Variants in ATP6V0A1 observed in about 807,000 individuals in gnomAD.
ATP6V0A1 encodes V-type proton ATPase 116 kDa subunit a 1.
Under a neutral mutation model 105.4 loss-of-function variants are expected in ATP6V0A1, and 43 were observed. That is an observed-to-expected ratio of 0.41 (90% CI 0.32 to 0.53). ATP6V0A1 has a LOEUF of 0.53. Ranked by LOEUF, ATP6V0A1 falls within the 20% of genes least tolerant of loss-of-function variation. The pLI, the probability that ATP6V0A1 is intolerant of heterozygous loss-of-function variation, is 0.30. For missense variants in ATP6V0A1, 676 were observed against 1,051.1 expected, an observed-to-expected ratio of 0.64 and a Z score of 4.93; for synonymous variants, 362 against 372.8, an observed-to-expected ratio of 0.97 and a Z score of 0.33.
chr17:42,507,580 A>G lies in ATP6V0A1; in HGVS notation c.2065A>G (p.Ile689Val). 5.0e-6 allele frequency: 8 copies of G among 1,613,918 alleles called. No individual in the cohort carries two copies. Among genetic ancestry groups the G allele is most frequent in the Non-Finnish European group, 6.8e-6 (8 of 1,179,972 alleles). Residue 689 changes from isoleucine (I) to valine (V), a missense_variant, in exon 18 of 22, where the codon ATT becomes GTT. Ile to Val is a conservative substitution (Grantham distance 29, BLOSUM62 3). This residue lies in a region of ATP6V0A1 where 435 missense variants were observed against 642.2 expected (regional missense o/e 0.68). Transcript: ENST00000343619. The part of the protein sequence containing the change: ...GNGPTEEDAE[I>V]IQHDQLSTHS... The stretch of plus-strand genomic sequence containing the variant: ...CGGACCGACAGAGGAGGATGCTGAG[A>G]TTATTCAGCATGACCAGCTCTCCAC...
intron 11 of ATP6V0A1, among the ~76,000 whole-genome samples, chr17:42,491,321 T>C (rs1454763062): frequency 2.0e-5 from 3 of 152,052 alleles, no homozygotes; most frequent in Non-Finnish European, 4.4e-5. Context: ...TTATTTTTAA[T>C]TTTTTTTGAG....
intron 11 of ATP6V0A1, among the ~76,000 whole-genome samples, chr17:42,492,196 C>A (rs1463059103): frequency 6.7e-6 from 1 of 150,142 alleles, no homozygotes; most frequent in African/African-American, 2.5e-5. Flanking sequence ...TGGTGAAACC[C>A]TGCCTCTACT....
At chr17:42,483,468 C>T (rs939380483) in intron 9 of ATP6V0A1, among the ~76,000 whole-genome samples, 11 of 151,764 alleles carry the variant, frequency 7.2e-5, no homozygotes, top group African/African-American at 2.4e-4. Context: ...AATGCCATGG[C>T]GCTGTCTCAG....
At chr17:42,518,204 C>A (rs151085652) in intron 21 of ATP6V0A1, 1 of 152,388 alleles carries the variant, frequency 6.6e-6, no homozygotes, top group East Asian at 1.9e-4. Flanking sequence ...TTCCAAGGAA[C>A]CTGGTCTCTC....
rs760275735 is a variant in ATP6V0A1 at position 42,501,324 on chromosome 17, T to C, written c.2004+20T>C. On this transcript the variant is annotated intron_variant, in intron 17 of 21. Coordinates refer to ENST00000343619, the MANE Select transcript of ATP6V0A1 (RefSeq NM_001130021.3). ...CATTTGGTAGGTGTATTTCTATTGCTAAAAGTTACTAGACTTTTGTTTTGT... is the reference window on the plus strand; with the variant it reads ...CATTTGGTAGGTGTATTTCTATTGCCAAAAGTTACTAGACTTTTGTTTTGT... 6.3e-7 allele frequency: 1 copy of C among 1,576,002 alleles called. No homozygotes were observed. The highest frequency in any genetic ancestry group is 1.1e-5 in the South Asian group (1 of 89,836).
At chr17:42,461,874 T>G (rs1035732480) in intron 2 of ATP6V0A1, among the ~76,000 whole-genome samples, 6 of 152,052 alleles carry the variant, frequency 3.9e-5, no homozygotes, top group African/African-American at 1.2e-4. Context: ...TATTCAGCCT[T>G]CTTTTCTTTT....
At chr17:42,520,623 G>A in intron 21 of ATP6V0A1, 1 of 458,544 alleles carries the variant, frequency 2.2e-6, no homozygotes, top group Non-Finnish European at 4.4e-6. Flanking sequence ...AGCAAACAGA[G>A]GTGCTTGCCC....
intron 13 of ATP6V0A1, 71 bp from the exon 14 acceptor site, chr17:42,495,555 G>T: frequency 8.4e-7 from 1 of 1,192,544 alleles, no homozygotes; most frequent in South Asian, 1.3e-5. Context: ...TTATTTTGGG[G>T]TCAGTTTCTG....
intron 17 of ATP6V0A1, among the ~76,000 whole-genome samples, chr17:42,501,951 T>C (rs1036314939): frequency 1.3e-5 from 2 of 152,042 alleles, no homozygotes; most frequent in Non-Finnish European, 2.9e-5. Context: ...GAAGGATCGC[T>C]TGAATCTGAG....
intron 10 of ATP6V0A1, among the ~76,000 whole-genome samples, chr17:42,490,281 C>T (rs965591236): frequency 6.6e-6 from 1 of 152,016 alleles, no homozygotes; most frequent in Non-Finnish European, 1.5e-5. Context: ...AATGTTATAC[C>T]TTTTCCCAGT....
In ATP6V0A1 at chr17:42,521,013, T is replaced by C; in HGVS notation, c.2421-14T>C. 1.3e-6 allele frequency: 2 copies of C among 1,576,704 alleles called. No individual in the cohort carries two copies. Among genetic ancestry groups the C allele is most frequent in the Non-Finnish European group, 1.7e-6 (2 of 1,159,664 alleles). ...TTTCTATTGAATGACAGCTTTCTTC[T>C]TCTCTTTCTCCAGGGTTGAGTTCCA... On this transcript the variant is annotated splice_polypyrimidine_tract_variant and intron_variant, in intron 21 of 21. Coordinates refer to ENST00000343619, the MANE Select transcript of ATP6V0A1 (RefSeq NM_001130021.3). This position sits in a 1 kb window ranked among gnomAD's most constrained non-coding sequence, Gnocchi z 4.8.
chr17:42,504,835 A>G (rs1271771922), intron 17 of ATP6V0A1, among the ~76,000 whole-genome samples: 1 of 152,154 alleles, frequency 6.6e-6, no homozygotes, highest in Non-Finnish European at 1.5e-5. Flanking sequence ...CCTCCTCTTC[A>G]GGGGGCATTG....
chr17:42,495,832 A>G, intron 14 of ATP6V0A1, 116 bp downstream of exon 14: 1 of 903,374 alleles, frequency 1.1e-6, no homozygotes, highest in Non-Finnish European at 1.7e-6. Flanking sequence ...ATGGTCGCTC[A>G]TGCCTGTAAT....
chr17:42,497,662 G>A (rs1696980933), intron 14 of ATP6V0A1, among the ~76,000 whole-genome samples: 1 of 148,290 alleles, frequency 6.7e-6, no homozygotes, highest in South Asian at 2.1e-4. Context: ...GACAGAGTAA[G>A]ACTCCATCTA....
chr17:42,486,406 A>G (rs987823008), intron 9 of ATP6V0A1, among the ~76,000 whole-genome samples: 7 of 151,910 alleles, frequency 4.6e-5, no homozygotes, highest in Non-Finnish European at 1.0e-4. Context: ...GCGAGACTCC[A>G]TCTCAAAAAA....
chr17:42,497,333 C>T (rs911653034), intron 14 of ATP6V0A1, among the ~76,000 whole-genome samples: 10 of 145,238 alleles, frequency 6.9e-5, no homozygotes, highest in African/African-American at 2.3e-4. Context: ...GGTTTGGACA[C>T]AGATCAGAGA....
intron 2 of ATP6V0A1, among the ~76,000 whole-genome samples, chr17:42,464,560 T>G (rs917922707): frequency 1.3e-5 from 2 of 151,876 alleles, no homozygotes; most frequent in African/African-American, 2.4e-5. Context: ...CCGCTGCCAC[T>G]CCCGGCTAAT....
chr17:42,497,658 G>A (rs2091303958), intron 14 of ATP6V0A1, among the ~76,000 whole-genome samples: 1 of 149,644 alleles, frequency 6.7e-6, no homozygotes, highest in Non-Finnish European at 1.5e-5. Context: ...GGGCGACAGA[G>A]TAAGACTCCA....
chr17:42,477,580 C>T, intron 5 of ATP6V0A1, 80 bp from the exon 6 acceptor site: 1 of 1,450,188 alleles, frequency 6.9e-7, no homozygotes, highest in Non-Finnish European at 9.5e-7. Context: ...CTCCTGGTTC[C>T]TCGTTGCCTG....
Sources: gnomAD v4.1 joint callset for allele counts (sites outside exome capture counted in the v4.1 genomes callset) on GRCh38, gnomAD v4.1.1 for gene constraint, gnomAD v4.1.1 regional missense constraint, Gnocchi (gnomAD v3.1) non-coding constraint, MANE v1.5 for transcripts, NCBI Gene and HGNC (gene_info 2026-07-23, HGNC 2026-07-21) for gene names.